TMEM131L: variants seen among roughly 807,000 people sequenced by gnomAD.
TMEM131L encodes the protein transmembrane protein 131-like.
In TMEM131L, 54 loss-of-function variants were observed where a neutral mutation model predicts 192.2. The ratio of observed to expected loss-of-function variants is 0.28; its 90% CI spans 0.23 to 0.35. TMEM131L has a LOEUF of 0.35. TMEM131L is among the 10% of genes least tolerant of loss of function. TMEM131L has a pLI of 1.00. For synonymous variants in TMEM131L, 701 were observed against 704.9 expected (o/e 0.99, Z 0.09); for missense variants, 1,888 against 1,972.9 (o/e 0.96, Z 0.82).
intron 25 of TMEM131L, among the ~76,000 whole-genome samples, chr4:153,609,410 C>A (rs778867870): frequency 5.3e-5 from 8 of 152,180 alleles, no homozygotes; most frequent in Admixed American, 1.3e-4. Flanking sequence ...CACCAGGCCC[C>A]TCCTCCAACA....
intron 25 of TMEM131L, among the ~76,000 whole-genome samples, chr4:153,611,863 T>A (rs1402771059): frequency 2.0e-5 from 3 of 152,226 alleles, no homozygotes; most frequent in Admixed American, 2.0e-4. Flanking sequence ...TTCAGTAGTT[T>A]TAAGTATTTC....
intron 2 of TMEM131L, among the ~76,000 whole-genome samples, chr4:153,472,734 T>A (rs1731246510): frequency 6.6e-6 from 1 of 152,174 alleles, no homozygotes; most frequent in African/African-American, 2.4e-5. Context: ...AGGGCAATAT[T>A]TGAGCCAATC....
rs570689559 is a variant in TMEM131L at position 153,529,031 on chromosome 4, A to G, written c.240-21042A>G. ...TGAGGAAGAACCTTCCATTGCTTTT[A>G]TCCCCACTGTCCAGAGGGTCCCAGA... On this transcript the variant is annotated intron_variant, in intron 3 of 34. Transcript: ENST00000409959. 2.1e-3 allele frequency among the ~76,000 whole-genome samples: 312 copies of G among 151,980 alleles called. 4 individuals carry two copies. Among genetic ancestry groups the G allele is most frequent in the Non-Finnish European group, 3.4e-4 (23 of 67,942 alleles).
At chr4:153,580,380 G>A (rs1295951037) in intron 7 of TMEM131L, among the ~76,000 whole-genome samples, 2 of 151,846 alleles carry the variant, frequency 1.3e-5, no homozygotes, top group Non-Finnish European at 2.9e-5. Context: ...TAACTTGAGG[G>A]TCATGGTTTC....
intron 7 of TMEM131L, among the ~76,000 whole-genome samples, chr4:153,570,150 A>T (rs1184940195): frequency 6.6e-6 from 1 of 152,210 alleles, no homozygotes; most frequent in Non-Finnish European, 1.5e-5. Context: ...TAGTGGTTCA[A>T]TAGTAAGTCA....
chr4:153,471,533 A>G (rs1731160747), intron 2 of TMEM131L, among the ~76,000 whole-genome samples: 1 of 152,118 alleles, frequency 6.6e-6, no homozygotes, highest in Admixed American at 6.6e-5. Flanking sequence ...TTAAATGGTT[A>G]TTTCCTAGTA....
At chr4:153,599,440 A>G (rs1293273540) in intron 21 of TMEM131L, among the ~76,000 whole-genome samples, 1 of 152,204 alleles carries the variant, frequency 6.6e-6, no homozygotes, top group African/African-American at 2.4e-5. Flanking sequence ...GCTACTCAAG[A>G]GGCTAGGGTG....
At chr4:153,544,394 C>T (rs1737016881) in intron 3 of TMEM131L, among the ~76,000 whole-genome samples, 1 of 152,232 alleles carries the variant, frequency 6.6e-6, no homozygotes, top group African/African-American at 2.4e-5. Context: ...AGCACGTCAC[C>T]TGGGGAAGTG....
intron 3 of TMEM131L, among the ~76,000 whole-genome samples, chr4:153,544,606 A>AG (rs1444100122): frequency 6.6e-6 from 1 of 152,146 alleles, no homozygotes; most frequent in Non-Finnish European, 1.5e-5. Flanking sequence ...CAGTTCTCCA[A>AG]GGTGGTCCAT....
intron 3 of TMEM131L, among the ~76,000 whole-genome samples, chr4:153,500,497 T>C (rs529786217): frequency 6.6e-6 from 1 of 152,202 alleles, no homozygotes; most frequent in Non-Finnish European, 1.5e-5. Flanking sequence ...TCCATTTCTT[T>C]TTTGGTCTGG....
chr4:153,479,987 G>A (rs1237001319), intron 3 of TMEM131L, among the ~76,000 whole-genome samples: 1 of 152,226 alleles, frequency 6.6e-6, no homozygotes. Flanking sequence ...AAGGCGGGCG[G>A]ATCACCTGAC....
intron 3 of TMEM131L, among the ~76,000 whole-genome samples, chr4:153,481,680 C>T (rs1731948900): frequency 1.3e-5 from 2 of 152,108 alleles, no homozygotes; most frequent in Admixed American, 1.3e-4. Flanking sequence ...GGACCACAGT[C>T]ACCTGCCACC....
intron 12 of TMEM131L, 63 bp from the exon 13 acceptor site, chr4:153,585,395 C>A: frequency 6.6e-7 from 1 of 1,514,720 alleles, no homozygotes; most frequent in Non-Finnish European, 9.1e-7. Flanking sequence ...ATTAGAGGCT[C>A]ATAAGAGGGC....
chr4:153,507,601 A>G (rs1382290600), intron 3 of TMEM131L, among the ~76,000 whole-genome samples: 1 of 152,216 alleles, frequency 6.6e-6, no homozygotes, highest in Admixed American at 6.5e-5. Context: ...GTAAGAACCT[A>G]TCAAACCGTA....
chr4:153,596,449 A>T (rs1459086271), intron 20 of TMEM131L, 64 bp downstream of exon 20: 16 of 1,580,832 alleles, frequency 1.0e-5, no homozygotes, highest in African/African-American at 1.4e-5. Flanking sequence ...AAATCTCTTT[A>T]GCTGATAGTT....
At chr4:153,578,986 A>C (rs1730156249) in intron 7 of TMEM131L, among the ~76,000 whole-genome samples, 1 of 152,164 alleles carries the variant, frequency 6.6e-6, no homozygotes, top group South Asian at 2.1e-4. Context: ...TTTAAAGATA[A>C]ATTTTAAAAA....
rs1737939349 is a variant in TMEM131L, at chr4:153,555,810, A to G, written c.332A>G (p.Lys111Arg). The G allele has an allele frequency of 6.4e-7, 1 of 1,551,406 alleles. No homozygotes were observed. Among genetic ancestry groups the G allele is most frequent in the Non-Finnish European group, 8.7e-7 (1 of 1,146,694 alleles). ...GIQFLGHPVA[K>R]ILHAYNPSRD... ...AGGTTCCTGGGACATCCTGTAGCAA[A>G]GATTCTCCATGCTTACAACCCTAGT... The change falls in exon 5 of 35, where the codon AAG (lysine) becomes AGG (arginine). Residue 111 changes from lysine to arginine, a missense_variant. Transcript: ENST00000409959. The surrounding 1 kb of genome is among the most constrained non-coding windows in gnomAD (Gnocchi z 4.1).
intron 7 of TMEM131L, among the ~76,000 whole-genome samples, chr4:153,578,179 C>T (rs1730087778): frequency 6.6e-6 from 1 of 152,036 alleles, no homozygotes; most frequent in Non-Finnish European, 1.5e-5. Context: ...GTGTGAGGAT[C>T]ATTTGTAACC....
At chr4:153,527,875 G>A (rs1005120764) in intron 3 of TMEM131L, among the ~76,000 whole-genome samples, 3 of 152,088 alleles carry the variant, frequency 2.0e-5, no homozygotes, top group Non-Finnish European at 4.4e-5. Context: ...CTTTTACTGC[G>A]ACCTGCCTCA....
Sources: allele counts gnomAD v4.1 joint callset (sites outside exome capture counted in the v4.1 genomes callset), GRCh38; gene constraint gnomAD v4.1.1; non-coding constraint Gnocchi (gnomAD v3.1); transcripts MANE v1.5; gene names NCBI Gene and HGNC (gene_info 2026-07-23, HGNC 2026-07-21).